Variants in PCGF1 observed in about 807,000 individuals in gnomAD.
The protein encoded by PCGF1 is polycomb group ring finger 1, also known as polycomb group RING finger protein 1.
Under a neutral mutation model 38.8 loss-of-function variants are expected in PCGF1, and 10 were observed. The ratio of observed to expected loss-of-function variants is 0.26; its 90% CI spans 0.16 to 0.44. PCGF1 has a LOEUF of 0.44. PCGF1 is among the 20% of genes least tolerant of loss of function. PCGF1 has a pLI of 1.00. For synonymous variants in PCGF1, 119 were observed against 121.3 expected (o/e 0.98, Z 0.12); for missense variants, 230 against 331.5 (o/e 0.69, Z 2.38).
chr2:74,505,470 AC>A, intron 7 of PCGF1, 51 bp from the exon 8 acceptor site: 1 of 1,608,364 alleles, frequency 6.2e-7, no homozygotes, highest in Non-Finnish European at 8.5e-7. Context: ...CAGGTCAAAA[AC>A]TACCCTGGTC....
chr2:74,507,167 C>T lies in PCGF1; in HGVS notation c.94-20G>A. The stretch of plus-strand genomic sequence containing the variant: ...CTCCTCCTGAAGATACACCCTCCGT[C>T]ACCAATCATCCACCCTCAAACCCCA... On this transcript the variant is annotated intron_variant, in intron 1 of 8. Transcript: ENST00000233630. The T allele has an allele frequency of 6.2e-7, 1 of 1,608,716 alleles. No individual in the cohort carries two copies. The highest frequency in any genetic ancestry group is 8.5e-7 in the Non-Finnish European group (1 of 1,175,802).
Position 74,505,745 on chromosome 2 carries a change from C to A in PCGF1, c.556G>T (p.Val186Phe). Reference protein sequence around the residue: ...LSSGKDKNKSVLQNKYVRCSV... With the variant: ...LSSGKDKNKSFLQNKYVRCSV... ...CCCTCAGCCCTTCTCACCTGCAGGA[C>A]GCTTTTATTCTTGTCTTTGCCAGAA... The change falls in exon 6 of 9, where the codon GTC (valine) becomes TTC (phenylalanine). Residue 186 changes from valine to phenylalanine, a missense_variant. By Grantham distance (50) the Val-to-Phe change is conservative (BLOSUM62 -1). This residue lies in a region of PCGF1 where 144 missense variants were observed against 182.4 expected (regional missense o/e 0.79). Transcript: ENST00000233630. 1.9e-6 allele frequency: 3 copies of A among 1,614,158 alleles called. No individual in the cohort carries two copies. The highest frequency in any genetic ancestry group is 2.5e-6 in the Non-Finnish European group (3 of 1,180,016).
At chr2:74,506,677 T>C in intron 3 of PCGF1, 55 bp downstream of exon 3, 4 of 1,598,680 alleles carry the variant, frequency 2.5e-6, no homozygotes. Context: ...CACCTCAAGC[T>C]GCCACTCAGC....
Position 74,505,102 on chromosome 2 carries a change from T to C in PCGF1, c.*41A>G. The C allele has an allele frequency of 7.0e-7, 1 of 1,435,490 alleles. No homozygotes were observed. The allele number at this position is 1,435,490 out of a possible 1,614,324, so 88.9% of individuals were successfully genotyped here. On this transcript the variant is annotated 3_prime_UTR_variant, in exon 9 of 9. Transcript: ENST00000233630. ...CTGCAGTTCATTTCACATAAATATC[T>C]GGGGAGGGAAGGGGAGTGGGATGGG...
Position 74,505,120 on chromosome 2 carries a change from G to A in PCGF1, c.*23C>T, listed in dbSNP as rs1427916235. The A allele has an allele frequency of 2.7e-6, 4 of 1,469,442 alleles. No individual in the cohort carries two copies. The South Asian group carries it at 4.5e-5, about 17-fold the overall frequency. 91.0% of individuals were successfully genotyped at this position (1,469,442 alleles called of 1,614,324 possible). A position where few individuals can be genotyped will look rare whatever the true frequency, so the allele number is the denominator to read the frequency against. ...AAATATCTGGGGAGGGAAGGGGAGT[G>A]GGATGGGGTGGGGGCTTGGCCCCTA... On this transcript the variant is annotated 3_prime_UTR_variant, in exon 9 of 9. Coordinates refer to ENST00000233630, the MANE Select transcript of PCGF1 (RefSeq NM_032673.3).
intron 3 of PCGF1, 196 bp downstream of exon 3, chr2:74,506,536 C>T (rs1674639372): frequency 3.1e-6 from 2 of 651,344 alleles, no homozygotes; most frequent in African/African-American, 3.6e-5. Flanking sequence ...TGAGATTGCG[C>T]CACTGCACTC....
Position 74,507,664 on chromosome 2 carries a change from G to A in PCGF1, c.5C>T (p.Ala2Val). Reference protein sequence around the residue: MASPQGGQIAIA... With the variant: MVSPQGGQIAIA... ...CGCAATCTGGCCCCCCTGAGGAGAC[G>A]CCATCTTAAAGGCTGATCCCAGCCG... Residue 2 changes from alanine to valine, a missense_variant, in exon 1 of 9, where the codon GCG (alanine) becomes GTG (valine). Physicochemically the swap from Ala to Val is moderately conservative, Grantham distance 64. Coordinates refer to ENST00000233630, the MANE Select transcript of PCGF1 (RefSeq NM_032673.3). 1 of 1,558,640 alleles carries A rather than the reference G, an allele frequency of 6.4e-7. No homozygotes were observed. The highest frequency in any genetic ancestry group is 8.7e-7 in the Non-Finnish European group (1 of 1,151,816).
At chr2:74,506,649 G>A in intron 3 of PCGF1, 83 bp downstream of exon 3, 1 of 1,476,732 alleles carries the variant, frequency 6.8e-7, no homozygotes. Flanking sequence ...CTGCCTACGT[G>A]AGTCCTACCA....
intron 1 of PCGF1, 69 bp from the exon 2 acceptor site, chr2:74,507,216 G>A (rs1558595909): frequency 6.5e-7 from 1 of 1,543,428 alleles, no homozygotes; most frequent in Non-Finnish European, 8.8e-7. Context: ...CCCACCTTGG[G>A]GGTCGCCTCC....
At position 74,505,374 on chromosome 2, in the gene PCGF1, T is replaced by C. The variant is rs781626993; in HGVS notation, c.697A>G (p.Met233Val). The change falls in exon 8 of 9, where the codon ATG (methionine) becomes GTG (valine). Residue 233 changes from methionine (M) to valine (V), a missense_variant. Coordinates refer to ENST00000233630, the MANE Select transcript of PCGF1 (RefSeq NM_032673.3). ...DNEVLPDHMT[M>V]KQIWLSRWFG... Reference sequence around the variant, plus strand: ...CAGCGGGAGAGCCATATCTGCTTCATTGTCATGTGATCAGGGAGAACTTCA... The same window carrying C: ...CAGCGGGAGAGCCATATCTGCTTCACTGTCATGTGATCAGGGAGAACTTCA... 6.2e-6 allele frequency: 10 copies of C among 1,610,914 alleles called. No homozygotes were observed. The East Asian group carries it at 1.3e-4, about 22-fold the overall frequency.
chr2:74,506,637 T>A, intron 3 of PCGF1, 95 bp downstream of exon 3: 1 of 1,389,478 alleles, frequency 7.2e-7, no homozygotes, highest in Admixed American at 1.7e-5. Flanking sequence ...ATCTTTGGCC[T>A]TCTGCCTACG....
intron 5 of PCGF1, 58 bp from the exon 6 acceptor site, chr2:74,505,828 G>A: frequency 6.2e-7 from 1 of 1,610,550 alleles, no homozygotes. Context: ...TCCCCACCCA[G>A]AGCCATGATA....
In PCGF1 at chr2:74,506,685, A is replaced by G. The variant is rs1049449951; in HGVS notation, c.352+47T>C. Reference sequence around the variant, plus strand: ...AACCCGTCACCTCAAGCTGCCACTCAGCAATTAGTCCTCAAGAGGCCCCTC... The same window carrying G: ...AACCCGTCACCTCAAGCTGCCACTCGGCAATTAGTCCTCAAGAGGCCCCTC... On this transcript the variant is annotated intron_variant, in intron 3 of 8. Transcript: ENST00000233630. The G allele has an allele frequency of 1.9e-6, 3 of 1,606,658 alleles. No individual in the cohort carries two copies. In the South Asian group the frequency reaches 3.3e-5, roughly 18 times the overall value.
At chr2:74,507,543 C>A (rs1386183179) in intron 1 of PCGF1, 33 bp downstream of exon 1, 2 of 1,559,370 alleles carry the variant, frequency 1.3e-6, no homozygotes, top group Non-Finnish European at 8.7e-7. Context: ...GCACCGCTGG[C>A]CGACCACAGC....
At position 74,507,041 on chromosome 2, in the gene PCGF1, C is replaced by G; in HGVS notation, c.199+1G>C. 1 of 1,613,726 alleles carries G rather than the reference C, an allele frequency of 6.2e-7. No homozygotes were observed. The highest frequency in any genetic ancestry group is 8.5e-7 in the Non-Finnish European group (1 of 1,179,568). On this transcript the variant is annotated splice_donor_variant, in intron 2 of 8. Transcript: ENST00000233630. LOFTEE classifies it high-confidence loss of function. Reference sequence around the variant, plus strand: ...AACTAGGCAGTCTCCAAGGCACTCACAAGTATGAAGACACTCTGTGATGGT... The same window carrying G: ...AACTAGGCAGTCTCCAAGGCACTCAGAAGTATGAAGACACTCTGTGATGGT...
In PCGF1 at chr2:74,506,189, G is replaced by T; in HGVS notation, c.416C>A (p.Thr139Asn). Reference protein sequence around the residue: ...SRGLDRVTQPTGEEPALSNLG... With the variant: ...SRGLDRVTQPNGEEPALSNLG... Reference sequence around the variant, plus strand: ...CGCGGCCAAGGACATACCTTCCCCAGTGGGCTGGGTGACCCGGTCCAAACC... The same window carrying T: ...CGCGGCCAAGGACATACCTTCCCCATTGGGCTGGGTGACCCGGTCCAAACC... Residue 139 changes from threonine to asparagine, a missense_variant, in exon 4 of 9, where the codon ACT becomes AAT. By Grantham distance (65) the Thr-to-Asn change is moderately conservative. Coordinates refer to ENST00000233630, the MANE Select transcript of PCGF1 (RefSeq NM_032673.3). 1 of 1,614,216 alleles carries T rather than the reference G, an allele frequency of 6.2e-7. No individual in the cohort carries two copies. The highest frequency in any genetic ancestry group is 1.1e-5 in the South Asian group (1 of 91,088).
In PCGF1 at chr2:74,505,282, G is replaced by C. The variant is rs555160404; in HGVS notation, c.732+57C>G. On this transcript the variant is annotated intron_variant, in intron 8 of 8. Transcript: ENST00000233630. ...GCCCACCCTTCCCCTGAGGACTGTA[G>C]GATGGTTGGGGGGAGTCTGAAGGGG... is the stretch of plus-strand genomic sequence containing the variant. 43 of 1,580,156 alleles carry C rather than the reference G, an allele frequency of 2.7e-5. No individual in the cohort carries two copies. In the African/African-American group the frequency reaches 5.4e-4, roughly 20 times the overall value.
intron 4 of PCGF1, 31 bp downstream of exon 4, chr2:74,506,150 G>T (rs1270192232): frequency 4.3e-6 from 7 of 1,613,420 alleles, no homozygotes; most frequent in Non-Finnish European, 5.9e-6. Context: ...AATGCTCTGG[G>T]GTCTTTACTG....
In PCGF1 at chr2:74,505,352, C is replaced by T. The variant is rs144134701; in HGVS notation, c.719G>A (p.Arg240His). ...HMTMKQIWLS[R>H]WFGKPSPLLL... is the part of the protein sequence containing the mutation. ...GGCCTGGCTTACCTTGCCGAACCAGCGGGAGAGCCATATCTGCTTCATTGT... is the reference window on the plus strand; with the variant it reads ...GGCCTGGCTTACCTTGCCGAACCAGTGGGAGAGCCATATCTGCTTCATTGT... The change falls in exon 8 of 9, where the codon CGC becomes CAC. Residue 240 changes from arginine (R) to histidine (H), a missense_variant. By Grantham distance (29) the Arg-to-His change is conservative (BLOSUM62 0). Transcript: ENST00000233630. 2.5e-4 allele frequency: 409 copies of T among 1,608,154 alleles called. No homozygotes were observed. Among genetic ancestry groups the T allele is most frequent in the Non-Finnish European group, 3.3e-4 (389 of 1,177,096 alleles).
Sources: gnomAD v4.1 joint callset for allele counts on GRCh38, gnomAD v4.1.1 for gene constraint, gnomAD v4.1.1 regional missense constraint, MANE v1.5 for transcripts, NCBI Gene and HGNC (gene_info 2026-07-23, HGNC 2026-07-21) for gene names.